Variants in FUT8 observed in about 807,000 individuals in gnomAD.
FUT8 encodes fucosyltransferase 8.
Under a neutral mutation model 71.3 loss-of-function variants are expected in FUT8, and 29 were observed. The ratio of observed to expected loss-of-function variants is 0.41; its 90% confidence interval spans 0.30 to 0.55. FUT8 has a LOEUF of 0.55. FUT8 is among the 20% of genes least tolerant of loss of function. The pLI, the probability that FUT8 is intolerant of heterozygous loss-of-function variation, is 0.34. For synonymous variants in FUT8, 254 were observed against 239.3 expected (o/e 1.06, Z -0.57); for missense variants, 544 against 702.1 (o/e 0.77, Z 2.55).
At chr14:65,414,673 A>G (rs1272661885) in intron 1 of FUT8, among the ~76,000 whole-genome samples, 2 of 152,214 alleles carry the variant, frequency 1.3e-5, no homozygotes, top group Non-Finnish European at 2.9e-5. Flanking sequence ...TTAGAGATGA[A>G]TAGGCTATAA....
At chr14:65,357,718 A>C in the FUT8 span, among the ~76,000 whole-genome samples, 3 of 152,216 alleles carry the variant, frequency 2.0e-5, no homozygotes, top group African/African-American at 7.2e-5. Context: ...TCTGCACCTC[A>C]GTTTCTCATC....
intron 2 of FUT8, among the ~76,000 whole-genome samples, chr14:65,458,565 G>A (rs970759170): frequency 2.0e-5 from 3 of 152,134 alleles, no homozygotes; most frequent in African/African-American, 4.8e-5. Flanking sequence ...TCTTGAGAAA[G>A]TATTATGCTC....
rs1566855619 is a variant in FUT8 at position 65,617,308 on chromosome 14, A to G, written c.482+935A>G. Reference sequence around the variant, plus strand: ...ATCTGTCTATTGGAATCATTTTAGCATTAATGAATCTACAGAAATATGATA... The same window carrying G: ...ATCTGTCTATTGGAATCATTTTAGCGTTAATGAATCTACAGAAATATGATA... On this transcript the variant is annotated intron_variant, in intron 5 of 10. Transcript: ENST00000673929. The G allele has an allele frequency of 8.9e-6, 10 of 1,125,894 alleles. No individual in the cohort carries two copies. In the South Asian group the frequency reaches 2.0e-4, roughly 23 times the overall value. The allele number at this position is 1,125,894 out of a possible 1,614,324, so 69.7% of individuals were successfully genotyped here. A position where few individuals can be genotyped will look rare whatever the true frequency, so the allele number is the denominator to read the frequency against.
At chr14:65,674,191 T>C (rs1457906872) in intron 7 of FUT8, among the ~76,000 whole-genome samples, 2 of 152,204 alleles carry the variant, frequency 1.3e-5, no homozygotes, top group African/African-American at 2.4e-5. Context: ...TTGATAATTG[T>C]ATTAATAGAA....
In FUT8 at chr14:65,627,883, C is replaced by T. The variant is rs1245761471; in HGVS notation, c.483-1609C>T. On this transcript the variant is annotated intron_variant, in intron 5 of 10. Coordinates refer to ENST00000673929, the MANE Select transcript of FUT8 (RefSeq NM_001371533.1). This position sits in a 1 kb window ranked among gnomAD's most constrained non-coding sequence, Gnocchi z 4.0. ...TTTAGAGAGATACTTTAACAACTGC[C>T]TGACCATCACCTGATGGTCGCCTGA... 6.6e-6 allele frequency among the ~76,000 whole-genome samples: 1 copy of T among 152,148 alleles called. No homozygotes were observed. Among genetic ancestry groups the T allele is most frequent in the Non-Finnish European group, 1.5e-5 (1 of 68,024 alleles).
chr14:65,553,570 C>T (rs951442260), intron 2 of FUT8, among the ~76,000 whole-genome samples: 1 of 151,934 alleles, frequency 6.6e-6, no homozygotes, highest in Non-Finnish European at 1.5e-5. Flanking sequence ...TTTCATTTAA[C>T]ATTTTTTATA....
At chr14:65,405,591 C>T in the FUT8 span, among the ~76,000 whole-genome samples, 1 of 152,030 alleles carries the variant, frequency 6.6e-6, no homozygotes, top group Non-Finnish European at 1.5e-5. Flanking sequence ...AATAAACCTA[C>T]CTGGAAATAG....
At chr14:65,376,591 T>C in the FUT8 span, among the ~76,000 whole-genome samples, 2 of 120,976 alleles carry the variant, frequency 1.7e-5, no homozygotes, top group Admixed American at 1.7e-4. Flanking sequence ...TTGTATTTTT[T>C]AGTAGAGATG....
At chr14:65,519,120 A>G (rs915532075) in intron 2 of FUT8, among the ~76,000 whole-genome samples, 1 of 152,166 alleles carries the variant, frequency 6.6e-6, no homozygotes, top group Non-Finnish European at 1.5e-5. Context: ...ATTTGAATAC[A>G]TGAAGGTCTG....
intron 5 of FUT8, among the ~76,000 whole-genome samples, chr14:65,624,586 TG>T (rs1448934794): frequency 6.6e-6 from 1 of 152,258 alleles, no homozygotes. Flanking sequence ...GGCTATATGA[TG>T]ATTGTCAATG....
At chr14:65,642,796 A>G (rs1396871279) in intron 6 of FUT8, among the ~76,000 whole-genome samples, 1 of 152,104 alleles carries the variant, frequency 6.6e-6, no homozygotes, top group Non-Finnish European at 1.5e-5. Flanking sequence ...TTTAGAATCA[A>G]CTTGTCTGTG....
the FUT8 span, among the ~76,000 whole-genome samples, chr14:65,358,826 T>C: frequency 1.3e-5 from 2 of 152,182 alleles, no homozygotes; most frequent in Non-Finnish European, 2.9e-5. Context: ...TTTTTTGTGC[T>C]ATTATTTTAC....
intron 6 of FUT8, among the ~76,000 whole-genome samples, chr14:65,658,896 A>G (rs1891823136): frequency 1.3e-5 from 2 of 152,188 alleles, no homozygotes; most frequent in South Asian, 4.1e-4. Context: ...GGTAAAATCT[A>G]AAAAAGTCTG....
intron 2 of FUT8, among the ~76,000 whole-genome samples, chr14:65,534,160 G>T (rs1363203371): frequency 6.6e-6 from 1 of 151,468 alleles, no homozygotes. Flanking sequence ...GTCTCACTTT[G>T]TCACCCAGCC....
chr14:65,551,367 T>C (rs1885273072), intron 2 of FUT8, among the ~76,000 whole-genome samples: 1 of 152,224 alleles, frequency 6.6e-6, no homozygotes, highest in South Asian at 2.1e-4. Flanking sequence ...AATTGAGCTA[T>C]ATCTATCTTT....
At chr14:65,657,565 C>T (rs1891743246) in intron 6 of FUT8, among the ~76,000 whole-genome samples, 1 of 152,000 alleles carries the variant, frequency 6.6e-6, no homozygotes, top group Non-Finnish European at 1.5e-5. Flanking sequence ...GTGAAATAAA[C>T]CAGGCAAAGA....
At chr14:65,630,449 A>G (rs1341312757) in intron 6 of FUT8, among the ~76,000 whole-genome samples, 3 of 151,952 alleles carry the variant, frequency 2.0e-5, no homozygotes, top group Non-Finnish European at 4.4e-5. Context: ...GCATTTTTCT[A>G]TTTTGGAGTC....
At chr14:65,529,365 G>A (rs1342868196) in intron 2 of FUT8, among the ~76,000 whole-genome samples, 1 of 152,096 alleles carries the variant, frequency 6.6e-6, no homozygotes, top group African/African-American at 2.4e-5. Flanking sequence ...TGGAAGAGCT[G>A]GGATTACAGG....
chr14:65,500,443 T>C (rs1566787102), intron 2 of FUT8, among the ~76,000 whole-genome samples: 1 of 152,200 alleles, frequency 6.6e-6, no homozygotes, highest in East Asian at 1.9e-4. Context: ...ACTTTAGTTA[T>C]CTGAAGGAGA....
Sources: gnomAD v4.1 joint callset for allele counts (sites outside exome capture counted in the v4.1 genomes callset) on GRCh38, gnomAD v4.1.1 for gene constraint, Gnocchi (gnomAD v3.1) non-coding constraint, MANE v1.5 for transcripts, NCBI Gene and HGNC (gene_info 2026-07-23, HGNC 2026-07-21) for gene names.